Variants in TRIP12 observed in about 807,000 individuals in gnomAD.
TRIP12 encodes the protein thyroid hormone receptor interactor 12.
A neutral mutation model predicts 244.2 loss-of-function variants in TRIP12; 25 were observed. The observed-to-expected ratio is 0.10, with a 90% confidence interval of 0.07 to 0.14. The LOEUF (loss-of-function observed/expected upper bound fraction) is 0.14, where lower values mean the gene tolerates loss of function less well. TRIP12 is among the 10% of genes least tolerant of loss of function. The pLI is 1.00. For synonymous variants in TRIP12, 905 were observed against 873.1 expected, an observed-to-expected ratio of 1.04 and a Z score of -0.64; for missense variants, 1,677 against 2,486.4, an observed-to-expected ratio of 0.67 and a Z score of 6.92.
intron 1 of TRIP12, among the ~76,000 whole-genome samples, chr2:229,882,104 C>T (rs1340209864): frequency 2.0e-5 from 3 of 152,166 alleles, no homozygotes; most frequent in Non-Finnish European, 4.4e-5. Context: ...TCCCCCTGTG[C>T]TTCAATCTAT....
intron 1 of TRIP12, chr2:229,921,435 C>G (rs2076540217): frequency 6.6e-6 from 1 of 152,460 alleles, no homozygotes; most frequent in African/African-American, 2.4e-5. Context: ...GAACCCTTGC[C>G]GTCTTCACAC....
At position 229,766,400 on chromosome 2, in the gene TRIP12, T is replaced by C. The variant is rs1262362207; in HGVS notation, c.*1154A>G. The C allele has an allele frequency of 6.6e-6, 1 of 152,214 alleles. No individual in the cohort carries two copies. Among genetic ancestry groups the C allele is most frequent in the African/African-American group, 2.4e-5 (1 of 41,456 alleles). The allele number at this position is 152,214 out of a possible 1,614,324, so 9.4% of individuals were successfully genotyped here. On this transcript the variant is annotated 3_prime_UTR_variant, in exon 42 of 42. Transcript: ENST00000675903. ...AAAAAGGTGAAGCAAACTTTCTTTA[T>C]TTTCAGGTAAAAACATTAACCTGAT... is the stretch of plus-strand genomic sequence containing the variant.
At chr2:229,841,108 C>T (rs2056321445) in intron 4 of TRIP12, among the ~76,000 whole-genome samples, 181 bp from the exon 5 acceptor site, 1 of 152,148 alleles carries the variant, frequency 6.6e-6, no homozygotes, top group Non-Finnish European at 1.5e-5. Context: ...TGGTACTTGG[C>T]ACTCCAGTTC....
chr2:229,800,626 C>T (rs2044041324), intron 21 of TRIP12, among the ~76,000 whole-genome samples: 1 of 152,072 alleles, frequency 6.6e-6, no homozygotes, highest in Non-Finnish European at 1.5e-5. Context: ...CATTTGCAAC[C>T]ATGCTGTAAT....
Position 229,767,468 on chromosome 2 carries a change from T to G in TRIP12, c.*86A>C. The G allele has an allele frequency of 1.4e-6, 2 of 1,456,764 alleles. No individual in the cohort carries two copies. The highest frequency in any genetic ancestry group is 1.8e-6 in the Non-Finnish European group (2 of 1,096,122). 90.2% of individuals were successfully genotyped at this position (1,456,764 alleles called of 1,614,324 possible). ...CTACAACAAGAAGGCGTAACATGTT[T>G]CCTTGACTCAGGTGATAACATTAGA... is the stretch of plus-strand genomic sequence containing the variant. On this transcript the variant is annotated 3_prime_UTR_variant, in exon 42 of 42. Coordinates refer to ENST00000675903, the MANE Select transcript of TRIP12 (RefSeq NM_001348323.3).
chr2:229,813,541 T>C (rs1243748759), intron 13 of TRIP12, among the ~76,000 whole-genome samples: 2 of 152,102 alleles, frequency 1.3e-5, no homozygotes, highest in Non-Finnish European at 2.9e-5. Flanking sequence ...CCCAGCACTA[T>C]GGGGGGCTGA....
At chr2:229,818,205 T>A (rs2048991528) in intron 9 of TRIP12, among the ~76,000 whole-genome samples, 159 bp downstream of exon 9, 1 of 152,198 alleles carries the variant, frequency 6.6e-6, no homozygotes, top group South Asian at 2.1e-4. Context: ...TTGCTCACAG[T>A]ATCTGTAAGC....
At chr2:229,833,942 T>C (rs1263948446) in intron 6 of TRIP12, among the ~76,000 whole-genome samples, 3 of 152,212 alleles carry the variant, frequency 2.0e-5, no homozygotes, top group Non-Finnish European at 4.4e-5. Context: ...AGCTGTTCTG[T>C]AAGGTCATGC....
chr2:229,796,140 T>A (rs1428175155), intron 25 of TRIP12, among the ~76,000 whole-genome samples: 1 of 152,214 alleles, frequency 6.6e-6, no homozygotes, highest in Non-Finnish European at 1.5e-5. Context: ...TTATAAACGG[T>A]GACATAAATG....
At chr2:229,806,083 G>T (rs2045807209) in intron 17 of TRIP12, 200 bp from the exon 18 acceptor site, 1 of 434,472 alleles carries the variant, frequency 2.3e-6, no homozygotes, top group African/African-American at 1.9e-5. Context: ...TTAGACATAG[G>T]TTACATGCCT....
At chr2:229,803,891 C>T in intron 19 of TRIP12, 108 bp downstream of exon 19, 15 of 1,030,086 alleles carry the variant, frequency 1.5e-5, no homozygotes, top group Non-Finnish European at 2.1e-5. Context: ...TCAAGATACT[C>T]CTAACAAATT....
chr2:229,849,423 G>A (rs1486864269), intron 4 of TRIP12, among the ~76,000 whole-genome samples: 1 of 152,068 alleles, frequency 6.6e-6, no homozygotes, highest in African/African-American at 2.4e-5. Flanking sequence ...TTTTCCCTAA[G>A]GGGAACACAA....
chr2:229,797,969 C>T, intron 23 of TRIP12, 138 bp from the exon 24 acceptor site: 1 of 866,862 alleles, frequency 1.2e-6, no homozygotes, highest in Non-Finnish European at 1.7e-6. Context: ...ATTCCATAAC[C>T]AAATTAACTT....
At chr2:229,788,357 T>A (rs2040596636) in intron 32 of TRIP12, among the ~76,000 whole-genome samples, 1 of 152,172 alleles carries the variant, frequency 6.6e-6, no homozygotes. Flanking sequence ...TCCCAGTCCA[T>A]GTCTGTGGAA....
At chr2:229,826,503 G>A (rs552900756) in intron 8 of TRIP12, among the ~76,000 whole-genome samples, 1 of 152,230 alleles carries the variant, frequency 6.6e-6, no homozygotes, top group African/African-American at 2.4e-5. Flanking sequence ...GTGTTTTGAG[G>A]AGCATTATCT....
chr2:229,855,326 A>G (rs1422068916), intron 4 of TRIP12, among the ~76,000 whole-genome samples: 6 of 152,192 alleles, frequency 3.9e-5, no homozygotes, highest in South Asian at 2.1e-4. Flanking sequence ...TGAGGAACAA[A>G]TAAGATGACT....
In TRIP12 at chr2:229,813,845, C is replaced by A. The variant is rs2047868234; in HGVS notation, c.1986+25G>T. The A allele has an allele frequency of 2.8e-6, 4 of 1,426,108 alleles. No homozygotes were observed. In the South Asian group the frequency reaches 7.4e-5, roughly 26 times the overall value. 88.3% of individuals were successfully genotyped at this position (1,426,108 alleles called of 1,614,324 possible). On this transcript the variant is annotated intron_variant, in intron 13 of 41. Transcript: ENST00000675903. ...AAATTAGTAATAAAACACTTTATGG[C>A]ACATAAAATAGATGCATATTTTACC...
chr2:229,922,294 C>T, upstream of TRIP12: 1 of 568,878 alleles, frequency 1.8e-6, no homozygotes. Flanking sequence ...TCCGTGGTAG[C>T]AGGAACTAAT....
chr2:229,878,583 A>T (rs532029612), intron 2 of TRIP12, among the ~76,000 whole-genome samples: 184 of 146,984 alleles, frequency 1.3e-3, no homozygotes, highest in African/African-American at 2.0e-3. Flanking sequence ...TTAAAAAAAA[A>T]TTTTTTTTTT....
Sources: gnomAD v4.1 joint callset for allele counts (sites outside exome capture counted in the v4.1 genomes callset) on GRCh38, gnomAD v4.1.1 for gene constraint, MANE v1.5 for transcripts, NCBI Gene and HGNC (gene_info 2026-07-23, HGNC 2026-07-21) for gene names.